RABGAP1L: variants seen among roughly 807,000 people sequenced by gnomAD.
The protein encoded by RABGAP1L is RAB GTPase activating protein 1 like.
A neutral mutation model predicts 137.7 loss-of-function variants in RABGAP1L; 63 were observed. That is an observed-to-expected ratio of 0.46 (90% CI 0.37 to 0.56). The LOEUF is 0.56. Ranked by LOEUF, RABGAP1L falls within the 20% of genes least tolerant of loss-of-function variation. RABGAP1L has a pLI of 0.00. For synonymous variants in RABGAP1L, 431 were observed against 433.7 expected, an observed-to-expected ratio of 0.99 and a Z score of 0.08; for missense variants, 1,095 against 1,244.0, an observed-to-expected ratio of 0.88 and a Z score of 1.80.
intron 13 of RABGAP1L, chr1:174,449,125 C>T: frequency 6.2e-7 from 1 of 1,613,370 alleles, no homozygotes; most frequent in Non-Finnish European, 8.5e-7. Context: ...TGTGCACATC[C>T]TGTATGTGTG....
chr1:174,877,587 C>T, intron 19 of RABGAP1L: 1 of 1,613,494 alleles, frequency 6.2e-7, no homozygotes, highest in Non-Finnish European at 8.5e-7. Flanking sequence ...TGGTGGCCAT[C>T]AGCAAGCCCA....
chr1:174,678,929 A>G (rs537839341), intron 14 of RABGAP1L, among the ~76,000 whole-genome samples: 4 of 152,224 alleles, frequency 2.6e-5, no homozygotes, highest in South Asian at 2.1e-4. Flanking sequence ...GGTGTGCGAC[A>G]GTGGCAAACA....
At chr1:174,902,646 C>T (rs190953232) in intron 19 of RABGAP1L, among the ~76,000 whole-genome samples, 1 of 152,348 alleles carries the variant, frequency 6.6e-6, no homozygotes, top group Non-Finnish European at 1.5e-5. Flanking sequence ...AGGGGACTCT[C>T]CTGATAGGTG....
At chr1:174,827,167 C>G (rs771050181) in intron 19 of RABGAP1L, among the ~76,000 whole-genome samples, 9 of 152,050 alleles carry the variant, frequency 5.9e-5, no homozygotes, top group Non-Finnish European at 1.0e-4. Flanking sequence ...GGTGTCTCAC[C>G]ATGTTGCCCA....
chr1:174,185,832 T>C (rs770367628), intron 1 of RABGAP1L, among the ~76,000 whole-genome samples: 3 of 152,178 alleles, frequency 2.0e-5, no homozygotes, highest in Non-Finnish European at 4.4e-5. Flanking sequence ...ACTGGATTAT[T>C]GTGTACATTT....
At chr1:174,434,196 T>C (rs1026220598) in intron 13 of RABGAP1L, among the ~76,000 whole-genome samples, 1 of 151,370 alleles carries the variant, frequency 6.6e-6, no homozygotes, top group South Asian at 2.1e-4. Context: ...CAGCAAAAAT[T>C]AGTTTTTCCC....
intron 10 of RABGAP1L, among the ~76,000 whole-genome samples, chr1:174,279,565 T>A (rs1185660044): frequency 6.6e-6 from 1 of 152,150 alleles, no homozygotes; most frequent in African/African-American, 2.4e-5. Flanking sequence ...TAGAAGCCTC[T>A]TACCCATTTT....
At chr1:174,687,923 A>T (rs1462272428) in intron 15 of RABGAP1L, among the ~76,000 whole-genome samples, 2 of 152,220 alleles carry the variant, frequency 1.3e-5, no homozygotes, top group African/African-American at 4.8e-5. Context: ...TAAATAAATA[A>T]TTAGCCTCTC....
At chr1:174,295,742 C>T (rs1396220003) in intron 10 of RABGAP1L, among the ~76,000 whole-genome samples, 2 of 149,668 alleles carry the variant, frequency 1.3e-5, no homozygotes, top group Non-Finnish European at 3.0e-5. Flanking sequence ...TAGTCTCAAA[C>T]ACCTGAGCTC....
chr1:174,316,511 C>T (rs963066809), intron 11 of RABGAP1L, among the ~76,000 whole-genome samples: 4 of 152,210 alleles, frequency 2.6e-5, no homozygotes, highest in African/African-American at 9.6e-5. Context: ...CCTTGATGGT[C>T]TTGGATAAGA....
At chr1:174,417,726 T>G (rs959086515) in intron 13 of RABGAP1L, among the ~76,000 whole-genome samples, 1 of 151,680 alleles carries the variant, frequency 6.6e-6, no homozygotes, top group Non-Finnish European at 1.5e-5. Context: ...ACACAGTCGT[T>G]TTAAGAATCA....
At chr1:174,989,130 A>G (rs574450157) in intron 25 of RABGAP1L, among the ~76,000 whole-genome samples, 78 of 152,302 alleles carry the variant, frequency 5.1e-4, no homozygotes, top group African/African-American at 1.8e-3. Flanking sequence ...CCTTTCTCAC[A>G]GAATGTGGTC....
intron 19 of RABGAP1L, among the ~76,000 whole-genome samples, chr1:174,931,294 T>C (rs1663747938): frequency 6.6e-6 from 1 of 152,220 alleles, no homozygotes; most frequent in Admixed American, 6.5e-5. Context: ...CTGCTGCTAA[T>C]GGTGAGACTG....
intron 19 of RABGAP1L, among the ~76,000 whole-genome samples, chr1:174,933,525 G>A (rs1169616349): frequency 6.6e-6 from 1 of 152,130 alleles, no homozygotes; most frequent in East Asian, 1.9e-4. Context: ...ACCTTAAAGG[G>A]AGGAAACTAG....
intron 18 of RABGAP1L, among the ~76,000 whole-genome samples, chr1:174,777,999 A>G (rs568370601): frequency 6.6e-6 from 1 of 152,296 alleles, no homozygotes; most frequent in East Asian, 1.9e-4. Flanking sequence ...ATAATGGCTG[A>G]TATTTTTCCA....
chr1:174,976,584 A>G (rs1206747633), intron 22 of RABGAP1L, among the ~76,000 whole-genome samples: 1 of 152,192 alleles, frequency 6.6e-6, no homozygotes, highest in Non-Finnish European at 1.5e-5. Flanking sequence ...GCCTACAGAG[A>G]TCTCTGCTGG....
chr1:174,728,510 T>C (rs1448829775), intron 17 of RABGAP1L, among the ~76,000 whole-genome samples: 1 of 151,938 alleles, frequency 6.6e-6, no homozygotes, highest in Non-Finnish European at 1.5e-5. Flanking sequence ...TGTTCATGGA[T>C]TGGAAGAATC....
intron 19 of RABGAP1L, among the ~76,000 whole-genome samples, chr1:174,882,700 G>A (rs559189139): frequency 2.0e-5 from 3 of 152,192 alleles, no homozygotes; most frequent in African/African-American, 7.2e-5. Context: ...AAACAATAAG[G>A]AAGCCAAGCA....
intron 21 of RABGAP1L, among the ~76,000 whole-genome samples, chr1:174,971,942 A>G (rs1670168151): frequency 6.6e-6 from 1 of 152,242 alleles, no homozygotes; most frequent in African/African-American, 2.4e-5. Flanking sequence ...TGCAAAAATA[A>G]ATCATTTCTT....
Sources: gnomAD v4.1 joint callset for allele counts (sites outside exome capture counted in the v4.1 genomes callset) on GRCh38, gnomAD v4.1.1 for gene constraint, MANE v1.5 for transcripts, NCBI Gene and HGNC (gene_info 2026-07-23, HGNC 2026-07-21) for gene names.